Variants in KCND2 observed in about 807,000 individuals in gnomAD.
KCND2 encodes the protein potassium voltage-gated channel subfamily D member 2.
In KCND2, 16 loss-of-function variants were observed where a neutral mutation model predicts 54.4. That is an observed-to-expected ratio of 0.29 (90% confidence interval 0.20 to 0.45). The LOEUF (loss-of-function observed/expected upper bound fraction) is 0.45, where lower values mean the gene tolerates loss of function less well. Among genes scored for constraint, KCND2 ranks in the 20% least tolerant of loss-of-function variants. The pLI is 1.00. For synonymous variants in KCND2, 317 were observed against 310.7 expected (o/e 1.02, Z -0.21); for missense variants, 486 against 824.2 (o/e 0.59, Z 5.02).
chr7:120,478,092 TG>T (rs1032580708), intron 1 of KCND2, among the ~76,000 whole-genome samples: 17 of 152,200 alleles, frequency 1.1e-4, no homozygotes, highest in African/African-American at 4.1e-4. Context: ...TAATTCAATT[TG>T]GAGCAAACAT....
intron 2 of KCND2, among the ~76,000 whole-genome samples, chr7:120,736,483 C>T (rs1030517162): frequency 3.5e-4 from 53 of 151,834 alleles, no homozygotes; most frequent in African/African-American, 1.2e-3. Flanking sequence ...ATGTATTAGC[C>T]AAAATAAAGC....
intron 1 of KCND2, among the ~76,000 whole-genome samples, chr7:120,563,913 A>G (rs1792266024): frequency 6.6e-6 from 1 of 152,158 alleles, no homozygotes; most frequent in Admixed American, 6.5e-5. Flanking sequence ...TACTTATCCC[A>G]TCAGAAAATT....
intron 1 of KCND2, among the ~76,000 whole-genome samples, chr7:120,472,388 C>G (rs576896408): frequency 2.6e-5 from 4 of 151,966 alleles, no homozygotes; most frequent in Non-Finnish European, 5.9e-5. Context: ...AAGAGAATAC[C>G]TGGATTTAGA....
chr7:120,601,928 T>C (rs912011588), intron 1 of KCND2, among the ~76,000 whole-genome samples: 1 of 152,348 alleles, frequency 6.6e-6, no homozygotes, highest in South Asian at 2.1e-4. Context: ...TCAATGATTT[T>C]TGCAATTTGA....
At chr7:120,746,630 C>T (rs1793011455) in intron 5 of KCND2, 2 of 152,992 alleles carry the variant, frequency 1.3e-5, no homozygotes, top group African/African-American at 4.8e-5. Context: ...AGTAAAACTT[C>T]CATATTGATA....
chr7:120,604,789 A>G (rs1792860882), intron 1 of KCND2, among the ~76,000 whole-genome samples: 1 of 152,068 alleles, frequency 6.6e-6, no homozygotes, highest in African/African-American at 2.4e-5. Context: ...TTTATGGTGC[A>G]TCATCTTTCA....
chr7:120,641,060 C>T lies in KCND2; in HGVS notation c.1116-91843C>T, dbSNP rs189756174. 4.3e-4 allele frequency among the ~76,000 whole-genome samples: 65 copies of T among 152,250 alleles called. No homozygotes were observed. The East Asian group carries it at 8.9e-3, about 21-fold the overall frequency. On this transcript the variant is annotated intron_variant, in intron 1 of 5. Coordinates refer to ENST00000331113, the MANE Select transcript of KCND2 (RefSeq NM_012281.3). ...TCTCAGGAGGACTATAGAATGAAGA[C>T]GAGAGAGAGCTGAGGAACGCTATTT...
At chr7:120,518,879 A>G (rs2116343460) in intron 1 of KCND2, among the ~76,000 whole-genome samples, 1 of 152,312 alleles carries the variant, frequency 6.6e-6, no homozygotes, top group Middle Eastern at 3.4e-3. Flanking sequence ...CATGATTTAT[A>G]CAGGTAGACC....
In KCND2 at chr7:120,275,652, A is replaced by G. The variant is rs1223891071; in HGVS notation, c.1020A>G (p.Thr340=). Residue 340 remains threonine, a synonymous_variant, in exon 1 of 6, where the codon ACA becomes ACG. Transcript: ENST00000331113. ...SLTMAIIIFA[T]VMFYAEKGSS... is the part of the protein sequence containing the mutation. Reference sequence around the variant, plus strand: ...CCATGGCTATCATCATCTTCGCTACAGTTATGTTCTACGCAGAGAAGGGGT... The same window carrying G: ...CCATGGCTATCATCATCTTCGCTACGGTTATGTTCTACGCAGAGAAGGGGT... 1 of 1,606,534 alleles carries G rather than the reference A, an allele frequency of 6.2e-7. No individual in the cohort carries two copies. Among genetic ancestry groups the G allele is most frequent in the Non-Finnish European group, 8.5e-7 (1 of 1,179,980 alleles).
intron 1 of KCND2, among the ~76,000 whole-genome samples, chr7:120,347,454 AC>A (rs1216081924): frequency 6.6e-6 from 1 of 152,130 alleles, no homozygotes; most frequent in East Asian, 1.9e-4. Context: ...CTCATGTTTG[AC>A]AGTAAGAGGT....
rs920052556 is a variant in KCND2, at chr7:120,635,415, G to A, written c.1116-97488G>A. 4.6e-5 allele frequency among the ~76,000 whole-genome samples: 7 copies of A among 152,272 alleles called. 1 individual carries two copies. The highest frequency in any genetic ancestry group is 2.6e-4 in the Admixed American group (4 of 15,296). ...TGTTGGAATTTCATGTAAATATTCA[G>A]TGCAGTGACAGTACCACATTTCCTT... is the stretch of plus-strand genomic sequence containing the variant. On this transcript the variant is annotated intron_variant, in intron 1 of 5. Transcript: ENST00000331113.
chr7:120,474,578 G>A (rs950415232), intron 1 of KCND2, among the ~76,000 whole-genome samples: 1 of 150,400 alleles, frequency 6.6e-6, no homozygotes. Context: ...TGGCCAGCCT[G>A]GTCTCAAACT....
chr7:120,739,577 A>G (rs1792914367), intron 2 of KCND2, among the ~76,000 whole-genome samples: 1 of 152,156 alleles, frequency 6.6e-6, no homozygotes, highest in South Asian at 2.1e-4. Context: ...CTCATCATTT[A>G]TAAATATGGT....
chr7:120,578,707 T>C (rs903593893), intron 1 of KCND2, among the ~76,000 whole-genome samples: 4 of 151,986 alleles, frequency 2.6e-5, no homozygotes, highest in African/African-American at 9.7e-5. Context: ...CTAATAAAGA[T>C]ACAAAAACAT....
Position 120,603,034 on chromosome 7 carries a change from T to C in KCND2, c.1116-129869T>C, listed in dbSNP as rs536380214. 3.3e-5 allele frequency among the ~76,000 whole-genome samples: 5 copies of C among 152,338 alleles called. No homozygotes were observed. In the East Asian group the frequency reaches 9.6e-4, roughly 29 times the overall value. ...GGAAAAATATTATGTAGCCAACTTATGGAGCCTGATATAATAGAAATAACA... is the reference window on the plus strand; with the variant it reads ...GGAAAAATATTATGTAGCCAACTTACGGAGCCTGATATAATAGAAATAACA... On this transcript the variant is annotated intron_variant, in intron 1 of 5. Transcript: ENST00000331113.
intron 1 of KCND2, among the ~76,000 whole-genome samples, chr7:120,409,299 A>G (rs1439138378): frequency 6.6e-6 from 1 of 151,938 alleles, no homozygotes; most frequent in East Asian, 1.9e-4. Context: ...TATTCACCTC[A>G]GATTGTTTAT....
intron 1 of KCND2, among the ~76,000 whole-genome samples, chr7:120,351,402 A>ACTCT (rs1319611008): frequency 1.0e-4 from 14 of 138,714 alleles, no homozygotes; most frequent in African/African-American, 4.2e-4. Flanking sequence ...ACACACACAC[A>ACTCT]CACACACACA....
rs534447196 is a variant in KCND2, at chr7:120,329,798, A to G, written c.1115+54051A>G. ...GGCAGTGAAGGAAGTACTTTCTGCTATTATCCATATGATTAAGAGTTTTAA... is the reference window on the plus strand; with the variant it reads ...GGCAGTGAAGGAAGTACTTTCTGCTGTTATCCATATGATTAAGAGTTTTAA... On this transcript the variant is annotated intron_variant, in intron 1 of 5. Transcript: ENST00000331113. Among the ~76,000 whole-genome samples the G allele has an allele frequency of 3.1e-4, 47 of 152,296 alleles. No individual in the cohort carries two copies. In the South Asian group the frequency reaches 4.1e-3, roughly 13 times the overall value.
chr7:120,343,931 A>G (rs1186452951), intron 1 of KCND2, among the ~76,000 whole-genome samples: 2 of 73,472 alleles, frequency 2.7e-5, no homozygotes, highest in African/African-American at 5.4e-5. Context: ...CATTCTAGAC[A>G]TCACTGATAG....
Sources: gnomAD v4.1 joint callset for allele counts (sites outside exome capture counted in the v4.1 genomes callset) on GRCh38, gnomAD v4.1.1 for gene constraint, MANE v1.5 for transcripts, NCBI Gene and HGNC (gene_info 2026-07-23, HGNC 2026-07-21) for gene names.